The following PLCB1 variants were observed in gnomAD, a reference collection of about 807,000 sequenced individuals.
The protein encoded by PLCB1 is phospholipase C beta 1, also known as 1-phosphatidylinositol 4,5-bisphosphate phosphodiesterase beta-1.
In PLCB1, 46 loss-of-function variants were observed where a neutral mutation model predicts 161.8. The ratio of observed to expected loss-of-function variants is 0.28; its 90% CI spans 0.22 to 0.36. The LOEUF (loss-of-function observed/expected upper bound fraction) is 0.36, where lower values mean the gene tolerates loss of function less well. PLCB1 is among the 10% of genes least tolerant of loss of function. PLCB1 has a pLI of 1.00. For synonymous variants in PLCB1, 517 were observed against 503.7 expected (o/e 1.03, Z -0.35); for missense variants, 1,016 against 1,472.5 (o/e 0.69, Z 5.07).
intron 3 of PLCB1, among the ~76,000 whole-genome samples, chr20:8,535,615 G>A (rs1204175484): frequency 5.9e-5 from 9 of 152,084 alleles, no homozygotes; most frequent in Admixed American, 3.9e-4. Context: ...AAAGGACAGC[G>A]CCCCTACAAC....
At chr20:8,510,989 T>C (rs1405589089) in intron 3 of PLCB1, among the ~76,000 whole-genome samples, 1 of 152,212 alleles carries the variant, frequency 6.6e-6, no homozygotes, top group African/African-American at 2.4e-5. Context: ...ATCATTATTT[T>C]GTAGTGAGAA....
intron 23 of PLCB1, among the ~76,000 whole-genome samples, chr20:8,746,928 C>T (rs969569668): frequency 6.6e-6 from 1 of 152,168 alleles, no homozygotes; most frequent in African/African-American, 2.4e-5. Context: ...GCCTGGGACT[C>T]AGCATCTCTA....
chr20:8,607,004 A>G (rs571063985), intron 3 of PLCB1, among the ~76,000 whole-genome samples: 1 of 152,316 alleles, frequency 6.6e-6, no homozygotes, highest in Admixed American at 6.5e-5. Context: ...ATGGTTCCCA[A>G]TTCTAAATCC....
At chr20:8,231,585 T>C (rs1425825894) in intron 2 of PLCB1, among the ~76,000 whole-genome samples, 1 of 152,220 alleles carries the variant, frequency 6.6e-6, no homozygotes, top group Non-Finnish European at 1.5e-5. Context: ...GGAAATCTGT[T>C]GTCAGCAGGT....
At chr20:8,666,382 G>A (rs116812437) in intron 9 of PLCB1, among the ~76,000 whole-genome samples, 2,502 of 152,216 alleles carry the variant, frequency 0.016, 51 homozygotes, top group African/African-American at 0.049. Flanking sequence ...GGAATCAAAA[G>A]TGAAAGATGG....
chr20:8,868,774 G>A (rs1987513336), intron 31 of PLCB1, among the ~76,000 whole-genome samples: 1 of 152,146 alleles, frequency 6.6e-6, no homozygotes, highest in Non-Finnish European at 1.5e-5. Context: ...TGGGGCTACA[G>A]GCACCAGCCA....
intron 2 of PLCB1, among the ~76,000 whole-genome samples, chr20:8,232,766 G>C (rs1980123601): frequency 6.6e-6 from 1 of 152,138 alleles, no homozygotes; most frequent in Admixed American, 6.6e-5. Flanking sequence ...GCATTCTCTT[G>C]TTTTGGACTG....
At chr20:8,643,604 A>T (rs1204824216) in intron 4 of PLCB1, among the ~76,000 whole-genome samples, 1 of 152,178 alleles carries the variant, frequency 6.6e-6, no homozygotes, top group African/African-American at 2.4e-5. Context: ...ACAACAAAAA[A>T]ACAGGTGGCA....
intron 31 of PLCB1, among the ~76,000 whole-genome samples, chr20:8,790,583 A>T (rs1359874657): frequency 2.0e-5 from 3 of 152,222 alleles, no homozygotes. Flanking sequence ...CCAAACCTTC[A>T]GTTTGGGTAC....
chr20:8,718,443 A>G (rs958097387), intron 14 of PLCB1, among the ~76,000 whole-genome samples: 9 of 152,192 alleles, frequency 5.9e-5, no homozygotes, highest in African/African-American at 2.2e-4. Flanking sequence ...GGAGGCGCTA[A>G]GGGAGAAGCT....
intron 31 of PLCB1, among the ~76,000 whole-genome samples, chr20:8,827,824 A>G (rs1985781847): frequency 6.6e-6 from 1 of 152,234 alleles, no homozygotes; most frequent in Non-Finnish European, 1.5e-5. Flanking sequence ...AAATCATTTG[A>G]GATTCAAATT....
At chr20:8,339,861 TG>T in intron 2 of PLCB1, among the ~76,000 whole-genome samples, 1 of 152,256 alleles carries the variant, frequency 6.6e-6, no homozygotes. Context: ...CTCAGTGCTT[TG>T]GGGGGCCAAG....
In PLCB1 at chr20:8,480,964, C is replaced by T. The variant is rs144223272; in HGVS notation, c.246+109514C>T. On this transcript the variant is annotated intron_variant, in intron 3 of 31. Transcript: ENST00000338037. Reference sequence around the variant, plus strand: ...ACCAAAAATACAAAAATTAGCTGGGCGTGGTGGTGCGTACCTGTAGTCCCA... The same window carrying T: ...ACCAAAAATACAAAAATTAGCTGGGTGTGGTGGTGCGTACCTGTAGTCCCA... Among the ~76,000 whole-genome samples, 1,389 of 152,056 alleles carry T rather than the reference C, an allele frequency of 9.1e-3. 30 individuals are homozygous for T. Among genetic ancestry groups the T allele is most frequent in the African/African-American group, 0.032 (1,307 of 41,460 alleles).
At chr20:8,461,761 T>G (rs763763154) in intron 3 of PLCB1, among the ~76,000 whole-genome samples, 15 of 152,216 alleles carry the variant, frequency 9.9e-5, no homozygotes, top group South Asian at 2.1e-4. Flanking sequence ...CATGTTACTT[T>G]GATTCTTTGC....
rs1195990517 is a variant in PLCB1 at position 8,781,397 on chromosome 20, AACACACACACACACACACAAAC to A, written c.3111+6698_3111+6719del. ...TACCCCAGTGGGATTCACACACACA[AACACACACACACACACACAAAC>A]ACACACACACACACACACACACACA... On this transcript the variant is annotated intron_variant, in intron 27 of 31. Transcript: ENST00000338037. Among the ~76,000 whole-genome samples, 1,337 of 149,622 alleles carry A rather than the reference AACACACACACACACACACAAAC, an allele frequency of 8.9e-3. 25 individuals are homozygous for A. The highest frequency in any genetic ancestry group is 0.031 in the African/African-American group (1,256 of 40,168).
At chr20:8,624,084 C>T (rs1259254275) in intron 3 of PLCB1, among the ~76,000 whole-genome samples, 1 of 152,184 alleles carries the variant, frequency 6.6e-6, no homozygotes, top group Admixed American at 6.5e-5. Flanking sequence ...GTCGGCTCTG[C>T]CTTCAAAGAA....
At chr20:8,768,275 C>T (rs541522749) in intron 26 of PLCB1, among the ~76,000 whole-genome samples, 2 of 152,128 alleles carry the variant, frequency 1.3e-5, no homozygotes, top group African/African-American at 2.4e-5. Flanking sequence ...CTTCTAACTT[C>T]TGGTGGTTGC....
intron 2 of PLCB1, among the ~76,000 whole-genome samples, chr20:8,189,364 C>T (rs893238528): frequency 6.7e-6 from 1 of 149,754 alleles, no homozygotes; most frequent in African/African-American, 2.4e-5. Flanking sequence ...ATGTTATATA[C>T]CTTAAATGTG....
chr20:8,579,838 C>A (rs1367247951), intron 3 of PLCB1, among the ~76,000 whole-genome samples: 4 of 150,618 alleles, frequency 2.7e-5, no homozygotes, highest in Non-Finnish European at 5.9e-5. Context: ...CATAGGGAAG[C>A]ACCAGGATCA....
Sources: gnomAD v4.1 joint callset for allele counts (sites outside exome capture counted in the v4.1 genomes callset) on GRCh38, gnomAD v4.1.1 for gene constraint, MANE v1.5 for transcripts, NCBI Gene and HGNC (gene_info 2026-07-23, HGNC 2026-07-21) for gene names.